AFF2: variants seen among roughly 807,000 people sequenced by gnomAD.
The protein encoded by AFF2 is ALF transcription elongation factor 2, also known as AF4/FMR2 family member 2.
In AFF2, 14 loss-of-function variants were observed where a neutral mutation model predicts 76.9. That is an observed-to-expected ratio of 0.18 (90% confidence interval 0.12 to 0.28). AFF2 has a LOEUF of 0.28. Ranked by LOEUF, AFF2 falls within the 10% of genes least tolerant of loss-of-function variation. The pLI is 1.00. For synonymous variants in AFF2, 398 were observed against 366.7 expected (o/e 1.09, Z -0.98); for missense variants, 868 against 1,001.1 (o/e 0.87, Z 1.79).
intron 4 of AFF2, among the ~76,000 whole-genome samples, chrX:148,830,632 T>C (rs1557273238): frequency 9.0e-6 from 1 of 111,643 alleles, no homozygotes; most frequent in Non-Finnish European, 1.9e-5. Context: ...TTTTTATTAG[T>C]TATTTTCAAA....
At chrX:148,779,454 C>T (rs1240332805) in intron 3 of AFF2, among the ~76,000 whole-genome samples, 1 of 111,623 alleles carries the variant, frequency 9.0e-6, no homozygotes, top group Non-Finnish European at 1.9e-5. Context: ...GTTAAAGCGT[C>T]CCACTATTAT....
chrX:148,996,790 A>G lies in AFF2; in HGVS notation c.*5458A>G, dbSNP rs1557293268. ...GGAGATGGTTCCATCATCTCCTTCC[A>G]TATCTCACAGGTAAAATGGGCACTC... is the stretch of plus-strand genomic sequence containing the variant. On this transcript the variant is annotated 3_prime_UTR_variant, in exon 21 of 21. Coordinates refer to ENST00000370460, the MANE Select transcript of AFF2 (RefSeq NM_002025.4). The G allele has an allele frequency of 8.9e-6, 1 of 112,171 alleles. No homozygotes were observed. Among genetic ancestry groups the G allele is most frequent in the East Asian group, 2.8e-4 (1 of 3,591 alleles). The allele number at this position is 112,171 out of a possible 1,213,427, so 9.2% of individuals were successfully genotyped here. A position where few individuals can be genotyped will look rare whatever the true frequency, so the allele number is the denominator to read the frequency against.
At chrX:148,763,570 T>C (rs1373385989) in intron 3 of AFF2, among the ~76,000 whole-genome samples, 1 of 111,118 alleles carries the variant, frequency 9.0e-6, no homozygotes. Context: ...ATTGTAAGTG[T>C]TCTCACCACA....
intron 1 of AFF2, among the ~76,000 whole-genome samples, chrX:148,568,900 A>G (rs781926115): frequency 9.0e-6 from 1 of 111,632 alleles, no homozygotes; most frequent in South Asian, 3.7e-4. Flanking sequence ...TAAAAGGAGC[A>G]TATTTCGTAA....
chrX:148,937,532 G>T, intron 9 of AFF2, among the ~76,000 whole-genome samples: 1 of 112,467 alleles, frequency 8.9e-6, no homozygotes, highest in East Asian at 2.8e-4. Flanking sequence ...CGAAAGGATA[G>T]CCAGAACATA....
At chrX:148,885,444 T>C (rs2071146967) in intron 7 of AFF2, among the ~76,000 whole-genome samples, 1 of 111,306 alleles carries the variant, frequency 9.0e-6, no homozygotes, top group Non-Finnish European at 1.9e-5. Context: ...TTTACCTCCG[T>C]CATCCAGAGA....
intron 1 of AFF2, among the ~76,000 whole-genome samples, chrX:148,525,246 A>G (rs1232788810): frequency 9.0e-6 from 1 of 111,528 alleles, no homozygotes; most frequent in African/African-American, 3.3e-5. Context: ...TCTTTTCTAT[A>G]ACCAAGCATA....
intron 3 of AFF2, among the ~76,000 whole-genome samples, chrX:148,795,157 C>A (rs1251244351): frequency 8.9e-6 from 1 of 111,937 alleles, no homozygotes; most frequent in Non-Finnish European, 1.9e-5. Flanking sequence ...TAGCGATGGT[C>A]TTAGTAGCAG....
At chrX:148,825,442 A>T (rs2070376481) in intron 4 of AFF2, among the ~76,000 whole-genome samples, 1 of 112,171 alleles carries the variant, frequency 8.9e-6, no homozygotes. Context: ...TTATTCAGAA[A>T]TTCCAAATAT....
At chrX:148,550,090 G>A (rs2124285180) in intron 1 of AFF2, among the ~76,000 whole-genome samples, 1 of 111,987 alleles carries the variant, frequency 8.9e-6, no homozygotes, top group South Asian at 3.7e-4. Context: ...ATTTAGTCAA[G>A]TGAGGTGTGT....
intron 1 of AFF2, among the ~76,000 whole-genome samples, chrX:148,570,143 T>C (rs1335006870): frequency 8.9e-6 from 1 of 112,287 alleles, no homozygotes; most frequent in Non-Finnish European, 1.9e-5. Flanking sequence ...CAAACAGTCA[T>C]TGTCATCATC....
intron 3 of AFF2, among the ~76,000 whole-genome samples, chrX:148,765,972 G>C (rs2069510784): frequency 1.9e-5 from 2 of 106,315 alleles, no homozygotes; most frequent in Admixed American, 1.0e-4. Context: ...TTTTGTTCTT[G>C]AGATAGTTTA....
intron 3 of AFF2, among the ~76,000 whole-genome samples, chrX:148,667,821 A>T (rs890073934): frequency 1.3e-4 from 15 of 111,350 alleles, no homozygotes; most frequent in African/African-American, 4.6e-4. Context: ...ACACAGCCAA[A>T]CCATATTAAT....
At chrX:148,538,716 A>T (rs1215289978) in intron 1 of AFF2, among the ~76,000 whole-genome samples, 14 of 112,237 alleles carry the variant, frequency 1.2e-4, no homozygotes, top group African/African-American at 4.2e-4. Flanking sequence ...GTCTTGTCTT[A>T]TTTAGTCATT....
intron 1 of AFF2, among the ~76,000 whole-genome samples, chrX:148,511,778 T>C (rs782398894): frequency 1.8e-5 from 2 of 112,995 alleles, no homozygotes; most frequent in Non-Finnish European, 3.7e-5. Context: ...CTCAGGTTTC[T>C]TGGGCCCAAA....
At chrX:148,622,398 T>C (rs1180037185) in intron 1 of AFF2, among the ~76,000 whole-genome samples, 10 of 111,941 alleles carry the variant, frequency 8.9e-5, no homozygotes, top group African/African-American at 3.2e-4. Context: ...AGGCAGAACT[T>C]CTTTCCTGGG....
At chrX:148,785,341 T>A (rs1324920214) in intron 3 of AFF2, among the ~76,000 whole-genome samples, 7 of 111,923 alleles carry the variant, frequency 6.3e-5, no homozygotes, top group African/African-American at 2.0e-4. Flanking sequence ...AGATGCAGCC[T>A]GGGAGGTGAA....
intron 7 of AFF2, among the ~76,000 whole-genome samples, chrX:148,852,960 T>C: frequency 9.0e-6 from 1 of 111,663 alleles, no homozygotes; most frequent in Non-Finnish European, 1.9e-5. Flanking sequence ...AAGATTAAAC[T>C]GATTTTATGG....
At chrX:148,906,069 A>G (rs782569871) in intron 9 of AFF2, among the ~76,000 whole-genome samples, 58 of 112,304 alleles carry the variant, frequency 5.2e-4, no homozygotes, top group African/African-American at 1.8e-3. Flanking sequence ...TAATTAAGTA[A>G]GATACTGTTC....
Sources: gnomAD v4.1 joint callset for allele counts (sites outside exome capture counted in the v4.1 genomes callset) on GRCh38, gnomAD v4.1.1 for gene constraint, MANE v1.5 for transcripts, NCBI Gene and HGNC (gene_info 2026-07-23, HGNC 2026-07-21) for gene names.